CLNK: variants seen among roughly 807,000 people sequenced by gnomAD.
CLNK encodes cytokine dependent hematopoietic cell linker.
In CLNK, 74 loss-of-function variants were observed where a neutral mutation model predicts 68.6. The ratio of observed to expected loss-of-function variants is 1.08; its 90% CI spans 0.89 to 1.31. The LOEUF is 1.31. Among genes scored for constraint, CLNK ranks in the 50% most tolerant of loss-of-function variants. The pLI is 0.00. For synonymous variants in CLNK, 198 were observed against 172.2 expected, an observed-to-expected ratio of 1.15 and a Z score of -1.17; for missense variants, 553 against 515.3, an observed-to-expected ratio of 1.07 and a Z score of -0.71.
rs77144206 is a variant in CLNK at position 10,594,331 on chromosome 4, C to T, written c.83+3647G>A. Among the ~76,000 whole-genome samples, 664 of 152,308 alleles carry T rather than the reference C, an allele frequency of 4.4e-3. 5 individuals are homozygous for T. Among genetic ancestry groups the T allele is most frequent in the African/African-American group, 0.016 (646 of 41,554 alleles). On this transcript the variant is annotated intron_variant, in intron 3 of 18. Transcript: ENST00000226951. Reference sequence around the variant, plus strand: ...CTCCACCCCACTCACTGTCACTTAGCGAGTAGGGGCAGAGTGGAATTCAAG... The same window carrying T: ...CTCCACCCCACTCACTGTCACTTAGTGAGTAGGGGCAGAGTGGAATTCAAG...
At chr4:10,534,486 AT>A (rs149364213) in intron 11 of CLNK, among the ~76,000 whole-genome samples, 4,197 of 152,232 alleles carry the variant, frequency 0.028, 186 homozygotes, top group African/African-American at 0.095. Flanking sequence ...AATGAATTGA[AT>A]TTGATTCTTG....
chr4:10,725,151 A>T, the CLNK span, among the ~76,000 whole-genome samples: 1 of 152,106 alleles, frequency 6.6e-6, no homozygotes, highest in Non-Finnish European at 1.5e-5. Flanking sequence ...CACCGTAGGG[A>T]TAGAACTGTT....
chr4:10,618,994 G>T (rs1355225911), intron 2 of CLNK, among the ~76,000 whole-genome samples: 1 of 152,176 alleles, frequency 6.6e-6, no homozygotes, highest in Admixed American at 6.5e-5. Flanking sequence ...CTAAAAGAAG[G>T]TTCAGGAGAA....
chr4:10,558,479 T>A, intron 7 of CLNK, 27 bp from the exon 8 acceptor site: 1 of 1,609,006 alleles, frequency 6.2e-7, no homozygotes, highest in Non-Finnish European at 8.5e-7. Flanking sequence ...GGCACCATTA[T>A]CTCTTCAGTT....
At chr4:10,591,897 T>G (rs1029027702) in intron 3 of CLNK, among the ~76,000 whole-genome samples, 1 of 152,248 alleles carries the variant, frequency 6.6e-6, no homozygotes, top group Admixed American at 6.5e-5. Context: ...TTACCTATTT[T>G]ATTTGTATAA....
At chr4:10,640,535 C>T (rs184266142) in intron 2 of CLNK, among the ~76,000 whole-genome samples, 2 of 152,326 alleles carry the variant, frequency 1.3e-5, no homozygotes, top group East Asian at 3.9e-4. Flanking sequence ...CACACACATA[C>T]ACCTTGTGTA....
chr4:10,611,048 A>C (rs1721996283), intron 2 of CLNK, among the ~76,000 whole-genome samples: 1 of 152,110 alleles, frequency 6.6e-6, no homozygotes, highest in South Asian at 2.1e-4. Context: ...GGCTGGGCGC[A>C]GTGGCTCACG....
At chr4:10,682,690 C>T (rs754823343) in intron 1 of CLNK, among the ~76,000 whole-genome samples, 1 of 152,114 alleles carries the variant, frequency 6.6e-6, no homozygotes, top group Non-Finnish European at 1.5e-5. Flanking sequence ...AATCTCAAAG[C>T]CCTGTTTCTT....
intron 2 of CLNK, among the ~76,000 whole-genome samples, chr4:10,620,701 G>A (rs1324529604): frequency 3.3e-5 from 5 of 152,034 alleles, no homozygotes; most frequent in Admixed American, 3.3e-4. Flanking sequence ...TAATTCTCCT[G>A]GTGCTCTGTG....
At chr4:10,513,216 A>T (rs976805246) in intron 16 of CLNK, among the ~76,000 whole-genome samples, 5 of 224 alleles carry the variant, frequency 0.022, no homozygotes, top group East Asian at 0.5. Flanking sequence ...TTAATTTTTA[A>T]AAAAACACTT....
At chr4:10,631,796 G>A (rs1310167820) in intron 2 of CLNK, among the ~76,000 whole-genome samples, 1 of 152,220 alleles carries the variant, frequency 6.6e-6, no homozygotes, top group East Asian at 1.9e-4. Context: ...CTATGACATA[G>A]AAGTTACCTT....
At chr4:10,623,266 G>T (rs748386582) in intron 2 of CLNK, among the ~76,000 whole-genome samples, 2 of 152,118 alleles carry the variant, frequency 1.3e-5, no homozygotes, top group African/African-American at 2.4e-5. Flanking sequence ...TGTTGGAGAG[G>T]GTTGACAGAC....
At chr4:10,634,003 A>G (rs1490937313) in intron 2 of CLNK, among the ~76,000 whole-genome samples, 1 of 152,238 alleles carries the variant, frequency 6.6e-6, no homozygotes, top group Non-Finnish European at 1.5e-5. Context: ...AATGAGATTC[A>G]GCATAGTTAA....
intron 15 of CLNK, among the ~76,000 whole-genome samples, chr4:10,516,802 C>T (rs1237950745): frequency 6.6e-6 from 1 of 152,182 alleles, no homozygotes; most frequent in Non-Finnish European, 1.5e-5. Flanking sequence ...CCGCCCACCT[C>T]GGCCTCCCAA....
intron 1 of CLNK, among the ~76,000 whole-genome samples, chr4:10,668,821 G>A (rs1433588740): frequency 6.6e-6 from 1 of 152,122 alleles, no homozygotes; most frequent in Non-Finnish European, 1.5e-5. Context: ...CCCATCTCAC[G>A]CTCCCTCTGC....
chr4:10,590,254 T>C (rs1560231206), intron 3 of CLNK, among the ~76,000 whole-genome samples: 1 of 152,238 alleles, frequency 6.6e-6, no homozygotes, highest in Admixed American at 6.5e-5. Flanking sequence ...TAATCTTTAA[T>C]TTTTAAAGGC....
At chr4:10,683,124 A>T (rs184025402) in intron 1 of CLNK, among the ~76,000 whole-genome samples, 352 of 152,300 alleles carry the variant, frequency 2.3e-3, no homozygotes, top group Admixed American at 4.8e-3. Flanking sequence ...ATCTTACTTT[A>T]TTAAAAAGGG....
At chr4:10,672,716 A>G (rs925104749) in intron 1 of CLNK, among the ~76,000 whole-genome samples, 1 of 152,220 alleles carries the variant, frequency 6.6e-6, no homozygotes, top group Non-Finnish European at 1.5e-5. Context: ...TGTTTTAGGG[A>G]AAAGCCCAGG....
chr4:10,557,271 C>T (rs905405601), intron 8 of CLNK, among the ~76,000 whole-genome samples: 1 of 152,178 alleles, frequency 6.6e-6, no homozygotes, highest in Non-Finnish European at 1.5e-5. Context: ...CCACCTTCAC[C>T]CTTCTCTACC....
Sources: gnomAD v4.1 joint callset for allele counts (sites outside exome capture counted in the v4.1 genomes callset) on GRCh38, gnomAD v4.1.1 for gene constraint, MANE v1.5 for transcripts, NCBI Gene and HGNC (gene_info 2026-07-23, HGNC 2026-07-21) for gene names.